Variants in PISD observed in about 807,000 individuals in gnomAD.
PISD encodes the protein phosphatidylserine decarboxylase, also known as phosphatidylserine decarboxylase proenzyme, mitochondrial.
PISD carries 31 observed loss-of-function variants against 43.5 expected under a neutral mutation model. The observed-to-expected ratio is 0.71, with a 90% CI of 0.54 to 0.96. The LOEUF is 0.96. Among genes scored for constraint, PISD ranks in the 40% least tolerant of loss-of-function variants. The pLI is 0.00. For synonymous variants in PISD, 259 were observed against 228.7 expected, an observed-to-expected ratio of 1.13 and a Z score of -1.20; for missense variants, 523 against 548.4, an observed-to-expected ratio of 0.95 and a Z score of 0.46.
Position 31,630,950 on chromosome 22 carries a change from G to T in PISD, c.322-9065C>A. On this transcript the variant is annotated intron_variant, in intron 3 of 7. Transcript: ENST00000439502. The surrounding 1 kb of genome is among the most constrained non-coding windows in gnomAD (Gnocchi z 4.4). Reference sequence around the variant, plus strand: ...GAGGCCGACCCCAGCCACCCTTAAAGCTGCCGCCCCCTCTGAGCCCCAGTC... The same window carrying T: ...GAGGCCGACCCCAGCCACCCTTAAATCTGCCGCCCCCTCTGAGCCCCAGTC... The T allele has an allele frequency of 1.3e-6, 1 of 779,678 alleles. No homozygotes were observed. 48.3% of individuals were successfully genotyped at this position (779,678 alleles called of 1,614,324 possible). A position where few individuals can be genotyped will look rare whatever the true frequency, so the allele number is the denominator to read the frequency against.
chr22:31,624,906 C>T, intron 3 of PISD, among the ~76,000 whole-genome samples: 1 of 152,120 alleles, frequency 6.6e-6, no homozygotes, highest in Admixed American at 6.5e-5. Flanking sequence ...CCCTGGCCTC[C>T]TGCGCCTAAA....
intron 3 of PISD, among the ~76,000 whole-genome samples, chr22:31,643,839 G>A (rs2073805072): frequency 6.6e-6 from 1 of 152,142 alleles, no homozygotes; most frequent in Non-Finnish European, 1.5e-5. Flanking sequence ...ACGAAGTCAG[G>A]AGATCGAGAC....
At position 31,619,439 on chromosome 22, in the gene PISD, T is replaced by C. The variant is rs553278213; in HGVS notation, c.*173A>G. 2 of 625,660 alleles carry C rather than the reference T, an allele frequency of 3.2e-6. No individual in the cohort carries two copies. The highest frequency in any genetic ancestry group is 3.6e-5 in the African/African-American group (2 of 55,970). The allele number at this position is 625,660 out of a possible 1,614,324, so 38.8% of individuals were successfully genotyped here. A position where few individuals can be genotyped will look rare whatever the true frequency, so the allele number is the denominator to read the frequency against. ...GCATGATGGGGGCTCTCGCCACCTC[T>C]TGTCTGCACCTCTGGAACAGGTGGT... On this transcript the variant is annotated 3_prime_UTR_variant, in exon 8 of 8. Coordinates refer to ENST00000439502, the MANE Select transcript of PISD (RefSeq NM_001326411.2).
At chr22:31,658,272 C>T (rs2074232360) in intron 1 of PISD, among the ~76,000 whole-genome samples, 1 of 152,190 alleles carries the variant, frequency 6.6e-6, no homozygotes, top group Non-Finnish European at 1.5e-5. Context: ...GCCTGTGCAA[C>T]TCAAATCTCA....
At chr22:31,646,824 A>G (rs1235034611) in intron 3 of PISD, among the ~76,000 whole-genome samples, 1 of 152,218 alleles carries the variant, frequency 6.6e-6, no homozygotes, top group East Asian at 1.9e-4. Flanking sequence ...CTCACCTACT[A>G]CATAATTACC....
chr22:31,662,245 A>G (rs1569495107), upstream of PISD: 5 of 1,588,906 alleles, frequency 3.1e-6, no homozygotes, highest in Non-Finnish European at 4.3e-6. Flanking sequence ...CGCCCCCTTC[A>G]CACGCTGGGC....
intron 3 of PISD, among the ~76,000 whole-genome samples, chr22:31,635,410 C>T (rs1436445275): frequency 6.6e-6 from 1 of 152,076 alleles, no homozygotes; most frequent in Non-Finnish European, 1.5e-5. Context: ...TCAAGCAATT[C>T]TCATGCCTCA....
rs1603390502 is a variant in PISD at position 31,619,477 on chromosome 22, C to G, written c.*135G>C. The G allele has an allele frequency of 1.4e-6, 1 of 721,794 alleles. No individual in the cohort carries two copies. Among genetic ancestry groups the G allele is most frequent in the East Asian group, 2.7e-5 (1 of 37,144 alleles). The allele number at this position is 721,794 out of a possible 1,614,324, so 44.7% of individuals were successfully genotyped here. On this transcript the variant is annotated 3_prime_UTR_variant, in exon 8 of 8. Transcript: ENST00000439502. ...TGGAACAGGTGGTAGCCGAATCATTCAAGTCCTACCTGGTCAGACTCCCAA... is the reference window on the plus strand; with the variant it reads ...TGGAACAGGTGGTAGCCGAATCATTGAAGTCCTACCTGGTCAGACTCCCAA...
Position 31,619,191 on chromosome 22 carries a change from A to G in PISD, c.*421T>C. The G allele has an allele frequency of 3.2e-6, 1 of 313,874 alleles. No individual in the cohort carries two copies. Among genetic ancestry groups the G allele is most frequent in the South Asian group, 2.6e-5 (1 of 39,154 alleles). The allele number at this position is 313,874 out of a possible 1,614,324, so 19.4% of individuals were successfully genotyped here. On this transcript the variant is annotated 3_prime_UTR_variant, in exon 8 of 8. Coordinates refer to ENST00000439502, the MANE Select transcript of PISD (RefSeq NM_001326411.2). The stretch of plus-strand genomic sequence containing the variant: ...GCCAAGGAGGCACCTCACCCTGTGC[A>G]GCAGGAGCGTTAAGGCCAAAAAACA...
intron 3 of PISD, 109 bp from the exon 4 acceptor site, chr22:31,621,994 C>T (rs565066020): frequency 1.0e-4 from 84 of 833,186 alleles, no homozygotes; most frequent in African/African-American, 5.2e-4. Context: ...CTGCACCCCA[C>T]GGAGGACACC....
intron 3 of PISD, chr22:31,623,655 C>G: frequency 6.3e-7 from 1 of 1,595,966 alleles, no homozygotes; most frequent in Non-Finnish European, 8.5e-7. Context: ...GAAGGGAGGT[C>G]CGAGCCACAG....
chr22:31,623,787 G>T, intron 3 of PISD: 2 of 1,614,134 alleles, frequency 1.2e-6, no homozygotes. Context: ...TTTCAGAGCG[G>T]GTCTGGACAT....
chr22:31,620,817 C>G lies in PISD; in HGVS notation c.845-104G>C, dbSNP rs1397690258. ...CTCATGGCCTGTTGCCCCGATGTCA[C>G]TCCAAATGCTGAGCTGACTGGGCCC... On this transcript the variant is annotated intron_variant, in intron 6 of 7. Coordinates refer to ENST00000439502, the MANE Select transcript of PISD (RefSeq NM_001326411.2). 3 of 1,474,890 alleles carry G rather than the reference C, an allele frequency of 2.0e-6. No individual in the cohort carries two copies. The East Asian group carries it at 7.0e-5, about 34-fold the overall frequency. The allele number at this position is 1,474,890 out of a possible 1,614,324, so 91.4% of individuals were successfully genotyped here.
chr22:31,627,896 G>T, intron 3 of PISD: 1 of 356,342 alleles, frequency 2.8e-6, no homozygotes, highest in Non-Finnish European at 3.9e-6. Flanking sequence ...GCCCTACTGA[G>T]GAATCAAGGC....
intron 3 of PISD, among the ~76,000 whole-genome samples, chr22:31,647,480 A>AT (rs1485880395): frequency 1.3e-5 from 2 of 152,140 alleles, no homozygotes; most frequent in African/African-American, 4.8e-5. Flanking sequence ...GATATTTCAG[A>AT]TTTTTTATTT....
intron 3 of PISD, among the ~76,000 whole-genome samples, chr22:31,624,012 C>G (rs559830263): frequency 6.6e-6 from 1 of 152,364 alleles, no homozygotes; most frequent in African/African-American, 2.4e-5. Context: ...TGGCTGTGCC[C>G]CCTCGTCCCA....
In PISD at chr22:31,619,774, C is replaced by G. The variant is rs376765197; in HGVS notation, c.1068G>C (p.Thr356=). ...KGSYNDFSFV[T]HTNREGVPMR... is the part of the protein sequence containing the mutation. ...TGGGGACGCCCTCTCTATTGGTGTG[C>G]GTCACGAAGCTGAAGTCATTGTAGG... Residue 356 remains threonine, a synonymous_variant, in exon 8 of 8, where the codon ACG becomes ACC. Transcript: ENST00000439502. 2 of 1,614,198 alleles carry G rather than the reference C, an allele frequency of 1.2e-6. No homozygotes were observed. Among genetic ancestry groups the G allele is most frequent in the Non-Finnish European group, 1.7e-6 (2 of 1,180,022 alleles).
chr22:31,630,658 CA>C lies in PISD; in HGVS notation c.322-8774del. 1 of 921,206 alleles carries C rather than the reference CA, an allele frequency of 1.1e-6. No individual in the cohort carries two copies. The highest frequency in any genetic ancestry group is 1.3e-6 in the Non-Finnish European group (1 of 771,228). The allele number at this position is 921,206 out of a possible 1,614,324, so 57.1% of individuals were successfully genotyped here. A position where few individuals can be genotyped will look rare whatever the true frequency, so the allele number is the denominator to read the frequency against. ...TCCTCAGGCCGGGGCCGCGTCGTCA[CA>C]GCTGGGAGAGCCCACCTGCGACCGA... On this transcript the variant is annotated intron_variant, in intron 3 of 7. Transcript: ENST00000439502. The surrounding 1 kb of genome is among the most constrained non-coding windows in gnomAD (Gnocchi z 4.4).
At chr22:31,661,971 G>A (rs1354629307) in intron 1 of PISD, among the ~76,000 whole-genome samples, 173 bp downstream of exon 1, 1 of 152,138 alleles carries the variant, frequency 6.6e-6, no homozygotes, top group Non-Finnish European at 1.5e-5. Flanking sequence ...AGTAAATCCG[G>A]ACCGCCCTAC....
Sources: allele counts gnomAD v4.1 joint callset (sites outside exome capture counted in the v4.1 genomes callset), GRCh38; gene constraint gnomAD v4.1.1; non-coding constraint Gnocchi (gnomAD v3.1); transcripts MANE v1.5; gene names NCBI Gene and HGNC (gene_info 2026-07-23, HGNC 2026-07-21).